Variants in NF1 observed in about 807,000 individuals in gnomAD.
NF1 encodes the protein neurofibromin 1.
A neutral mutation model predicts 325.7 loss-of-function variants in NF1; 122 were observed. The observed-to-expected ratio is 0.37, with a 90% CI of 0.32 to 0.44. NF1 has a LOEUF of 0.44. Ranked by LOEUF, NF1 falls within the 20% of genes least tolerant of loss-of-function variation. The pLI, the probability that NF1 is intolerant of heterozygous loss-of-function variation, is 1.00. For synonymous variants in NF1, 1,091 were observed against 1,186.0 expected (o/e 0.92, Z 1.65); for missense variants, 2,140 against 3,415.4 (o/e 0.63, Z 9.31).
intron 36 of NF1, among the ~76,000 whole-genome samples, chr17:31,289,498 G>T (rs72815624): frequency 0.08 from 12,253 of 152,216 alleles, 681 homozygotes; most frequent in Non-Finnish European, 0.12. Context: ...GACAAGGCAG[G>T]TAATAAAATA....
At position 31,182,643 on chromosome 17, in the gene NF1, T is replaced by C. The variant is rs749251299; in HGVS notation, c.866T>C (p.Val289Ala). 6.2e-7 allele frequency: 1 copy of C among 1,613,714 alleles called. No individual in the cohort carries two copies. The highest frequency in any genetic ancestry group is 8.5e-7 in the Non-Finnish European group (1 of 1,179,836). The change falls in exon 8 of 58, where the codon GTT becomes GCT. Residue 289 changes from valine (V) to alanine (A), a missense_variant. Coordinates refer to ENST00000358273, the MANE Select transcript of NF1 (RefSeq NM_001042492.3). Reference sequence around the variant, plus strand: ...ATCCAGGATATATCCAAAGACGTGGTTGATGAAAACAACATGAATAAGGTA... The same window carrying C: ...ATCCAGGATATATCCAAAGACGTGGCTGATGAAAACAACATGAATAAGGTA... Reference protein sequence around the residue: ...EIIQDISKDVVDENNMNKKLF... With the variant: ...EIIQDISKDVADENNMNKKLF...
At position 31,154,053 on chromosome 17, in the gene NF1, A is replaced by ATTTT. The variant is rs67332557; in HGVS notation, c.61-1907_61-1904dup. On this transcript the variant is annotated intron_variant, in intron 1 of 57. Coordinates refer to ENST00000358273, the MANE Select transcript of NF1 (RefSeq NM_001042492.3). The stretch of plus-strand genomic sequence containing the variant: ...TACTAGAGAAGTTCTAGTTTCTTTG[A>ATTTT]TTTTTTTTTTTTTTTTTTTTTTTTT... Among the ~76,000 whole-genome samples the ATTTT allele has an allele frequency of 1.1e-3, 60 of 52,724 alleles. 6 individuals are homozygous for ATTTT. Among genetic ancestry groups the ATTTT allele is most frequent in the African/African-American group, 4.5e-3 (60 of 13,208 alleles). 34.6% of individuals were successfully genotyped at this position (52,724 alleles called of 152,430 possible).
chr17:31,199,520 C>A (rs1447618467), intron 8 of NF1, among the ~76,000 whole-genome samples: 1 of 152,118 alleles, frequency 6.6e-6, no homozygotes, highest in Non-Finnish European at 1.5e-5. Flanking sequence ...TCCATGTACA[C>A]TTGAGAAGAA....
intron 1 of NF1, 140 bp from the exon 2 acceptor site, chr17:31,155,843 C>CG (rs2065650569): frequency 4.5e-6 from 4 of 883,474 alleles, no homozygotes; most frequent in East Asian, 5.3e-5. Context: ...GATTGAAAAT[C>CG]GGAGTTTGAG....
intron 57 of NF1, among the ~76,000 whole-genome samples, chr17:31,372,468 C>G (rs1366119575): frequency 2.0e-5 from 3 of 152,070 alleles, no homozygotes; most frequent in Non-Finnish European, 4.4e-5. Flanking sequence ...CAGAAAAGTT[C>G]ACAAATTGCA....
chr17:31,228,912 A>G, intron 20 of NF1, 113 bp from the exon 21 acceptor site: 1 of 789,298 alleles, frequency 1.3e-6, no homozygotes, highest in Non-Finnish European at 2.0e-6. Flanking sequence ...TTTAATGTAT[A>G]TTTTACATTT....
chr17:31,165,888 T>C (rs567759769), intron 4 of NF1, among the ~76,000 whole-genome samples: 1 of 152,138 alleles, frequency 6.6e-6, no homozygotes, highest in South Asian at 2.1e-4. Flanking sequence ...GACGGGGTCT[T>C]GCCATGTTGC....
At chr17:31,353,390 G>C (rs2070200715) in intron 51 of NF1, among the ~76,000 whole-genome samples, 1 of 152,190 alleles carries the variant, frequency 6.6e-6, no homozygotes, top group Non-Finnish European at 1.5e-5. Flanking sequence ...CCAGCACTTT[G>C]AGGGACTCAG....
At chr17:31,253,360 TA>T (rs993126460) in intron 31 of NF1, 1 of 213,430 alleles carries the variant, frequency 4.7e-6, no homozygotes, top group African/African-American at 2.3e-5. Flanking sequence ...TGTTTGAAGG[TA>T]ATGTGAGTGG....
chr17:31,262,556 T>C (rs1044378319), intron 35 of NF1, among the ~76,000 whole-genome samples: 12 of 152,184 alleles, frequency 7.9e-5, no homozygotes, highest in African/African-American at 2.9e-4. Context: ...CAAAACAGAA[T>C]AAAACAGAAT....
In NF1 at chr17:31,350,205, A is replaced by G. The variant is rs374234848; in HGVS notation, c.7344A>G (p.Glu2448=). ...YLAALLTVSE[E]VRSRCSLKHR... is the part of the protein sequence containing the mutation. The stretch of plus-strand genomic sequence containing the variant: ...TAGCTTTACTTACAGTGTCTGAAGA[A>G]GTTCGAAGTCGCTGCAGCCTAAAAC... The change falls in exon 50 of 58, where the codon GAA becomes GAG. Residue 2448 remains glutamate, a synonymous_variant. Coordinates refer to ENST00000358273, the MANE Select transcript of NF1 (RefSeq NM_001042492.3). The G allele has an allele frequency of 2.5e-6, 4 of 1,614,000 alleles. No homozygotes were observed. Among genetic ancestry groups the G allele is most frequent in the Admixed American group, 3.3e-5 (2 of 60,022 alleles).
chr17:31,135,367 T>A lies in NF1; in HGVS notation c.61-20616T>A, dbSNP rs969548558. Among the ~76,000 whole-genome samples the A allele has an allele frequency of 2.6e-5, 4 of 152,316 alleles. No homozygotes were observed. The South Asian group carries it at 8.3e-4, about 32-fold the overall frequency. The stretch of plus-strand genomic sequence containing the variant: ...CAGTTTTCTCTTGTTTCTATTTGCC[T>A]GATAGATCTTTTTCCATTTCTTAAC... On this transcript the variant is annotated intron_variant, in intron 1 of 57. Transcript: ENST00000358273.
At chr17:31,244,948 A>T (rs2067365949) in intron 29 of NF1, among the ~76,000 whole-genome samples, 1 of 152,222 alleles carries the variant, frequency 6.6e-6, no homozygotes, top group Non-Finnish European at 1.5e-5. Context: ...AAAGTTTTAT[A>T]CACAGGAACA....
At chr17:31,281,674 A>G (rs2068120871) in intron 36 of NF1, among the ~76,000 whole-genome samples, 2 of 151,930 alleles carry the variant, frequency 1.3e-5, no homozygotes, top group African/African-American at 4.8e-5. Context: ...TATCCTTTCC[A>G]TTTAATACCC....
intron 4 of NF1, among the ~76,000 whole-genome samples, chr17:31,166,207 C>T (rs1007945982): frequency 2.0e-5 from 3 of 152,062 alleles, no homozygotes; most frequent in Non-Finnish European, 4.4e-5. Context: ...TCATTTGGTT[C>T]TTTACAGTTT....
At chr17:31,373,863 T>G (rs951246626) in intron 57 of NF1, 150 bp from the exon 58 acceptor site, 1 of 967,298 alleles carries the variant, frequency 1.0e-6, no homozygotes, top group African/African-American at 1.6e-5. Flanking sequence ...TCTAAGTTCA[T>G]GTAAGTACAC....
chr17:31,320,213 G>A (rs1205481094), intron 36 of NF1, among the ~76,000 whole-genome samples: 2 of 151,922 alleles, frequency 1.3e-5, no homozygotes, highest in Non-Finnish European at 2.9e-5. Context: ...TTTATTGTTA[G>A]CATTTATTTG....
At chr17:31,110,682 C>A (rs570500207) in intron 1 of NF1, among the ~76,000 whole-genome samples, 1 of 151,828 alleles carries the variant, frequency 6.6e-6, no homozygotes, top group South Asian at 2.1e-4. Flanking sequence ...TTTAAAATAA[C>A]TATAATATAC....
At chr17:31,323,908 C>T (rs949765549) in intron 36 of NF1, among the ~76,000 whole-genome samples, 3 of 152,136 alleles carry the variant, frequency 2.0e-5, no homozygotes, top group Non-Finnish European at 4.4e-5. Context: ...CTTTCTACCT[C>T]ATATCTTCTA....
Sources: allele counts gnomAD v4.1 joint callset (sites outside exome capture counted in the v4.1 genomes callset), GRCh38; gene constraint gnomAD v4.1.1; transcripts MANE v1.5; gene names NCBI Gene and HGNC (gene_info 2026-07-23, HGNC 2026-07-21).